The following EPS15 variants were observed in gnomAD, a reference collection of about 807,000 sequenced individuals.
EPS15 encodes the protein epidermal growth factor receptor substrate 15.
A neutral mutation model predicts 113.8 loss-of-function variants in EPS15; 72 were observed. That is an observed-to-expected ratio of 0.63 (90% CI 0.52 to 0.77). The LOEUF (loss-of-function observed/expected upper bound fraction) is 0.77. Ranked by LOEUF, EPS15 falls within the 30% of genes least tolerant of loss-of-function variation. EPS15 has a pLI of 0.00. For missense variants in EPS15, 1,048 were observed against 1,045.8 expected, an observed-to-expected ratio of 1.00 and a Z score of -0.03; for synonymous variants, 344 against 363.4, an observed-to-expected ratio of 0.95 and a Z score of 0.61.
At chr1:51,377,706 T>A (rs1247101141) in intron 21 of EPS15, among the ~76,000 whole-genome samples, 1 of 152,160 alleles carries the variant, frequency 6.6e-6, no homozygotes, top group Non-Finnish European at 1.5e-5. Flanking sequence ...TGTCACATGC[T>A]AAAAGAAATC....
chr1:51,462,600 CCAT>C (rs966062606), intron 7 of EPS15, among the ~76,000 whole-genome samples: 13 of 152,036 alleles, frequency 8.6e-5, no homozygotes, highest in African/African-American at 3.1e-4. Context: ...CATGTTTTTT[CCAT>C]CAGGCAGGAG....
At position 51,415,988 on chromosome 1, in the gene EPS15, A is replaced by G. The variant is rs142187051; in HGVS notation, c.1113+5798T>C. 6.1e-3 allele frequency among the ~76,000 whole-genome samples: 921 copies of G among 152,158 alleles called. 12 individuals are homozygous for G. The highest frequency in any genetic ancestry group is 0.021 in the African/African-American group (882 of 41,510). On this transcript the variant is annotated intron_variant, in intron 13 of 24. Coordinates refer to ENST00000371733, the MANE Select transcript of EPS15 (RefSeq NM_001981.3). Reference sequence around the variant, plus strand: ...TGTAAGGCTACCACCATCACAATGCAATTTCAATATCAATATCAGCATCTA... The same window carrying G: ...TGTAAGGCTACCACCATCACAATGCGATTTCAATATCAATATCAGCATCTA...
intron 1 of EPS15, among the ~76,000 whole-genome samples, chr1:51,486,080 G>A (rs1010251102): frequency 6.6e-6 from 1 of 151,992 alleles, no homozygotes; most frequent in African/African-American, 2.4e-5. Context: ...TTACAGGTGT[G>A]AGCCACCATG....
chr1:51,490,130 T>C (rs564709534), intron 1 of EPS15, among the ~76,000 whole-genome samples: 32 of 152,328 alleles, frequency 2.1e-4, no homozygotes, highest in Admixed American at 1.7e-3. Context: ...AATTGTCTCA[T>C]ATGGAATTTC....
chr1:51,379,569 T>C lies in EPS15; in HGVS notation c.2120-13540A>G, dbSNP rs540967868. On this transcript the variant is annotated intron_variant, in intron 21 of 24. Transcript: ENST00000371733. ...CACAAACAAGAGAGAAATTAAGATA[T>C]TCCCAGATAAACAAAAACTGAATGG... Among the ~76,000 whole-genome samples the C allele has an allele frequency of 1.1e-3, 160 of 152,314 alleles. 1 individual carries two copies. Among genetic ancestry groups the C allele is most frequent in the African/African-American group, 3.7e-3 (155 of 41,580 alleles).
chr1:51,415,243 AT>A (rs1409883779), intron 13 of EPS15, among the ~76,000 whole-genome samples: 1 of 152,196 alleles, frequency 6.6e-6, no homozygotes, highest in Non-Finnish European at 1.5e-5. Context: ...AAACAAACCA[AT>A]ATAATATTTA....
At position 51,440,328 on chromosome 1, in the gene EPS15, G is replaced by A. The variant is rs188467297; in HGVS notation, c.1040+19C>T. ...GTGTGTGTGTGTATGTGAGTAGGCT[G>A]TAATTTTGCTTTACATACCTCTGTA... On this transcript the variant is annotated intron_variant, in intron 12 of 24. Transcript: ENST00000371733. 25 of 1,075,276 alleles carry A rather than the reference G, an allele frequency of 2.3e-5. No individual in the cohort carries two copies. Among genetic ancestry groups the A allele is most frequent in the South Asian group, 1.8e-4 (13 of 73,276 alleles). 66.6% of individuals were successfully genotyped at this position (1,075,276 alleles called of 1,614,324 possible).
chr1:51,485,455 T>A (rs112434268), intron 1 of EPS15, among the ~76,000 whole-genome samples: 2,820 of 152,232 alleles, frequency 0.019, 88 homozygotes, highest in African/African-American at 0.065. Flanking sequence ...GAGCTGGGCA[T>A]GATGGCGCAC....
chr1:51,446,287 A>G (rs1653041945), intron 10 of EPS15, among the ~76,000 whole-genome samples: 1 of 152,210 alleles, frequency 6.6e-6, no homozygotes, highest in African/African-American at 2.4e-5. Context: ...AAGGTATGAA[A>G]GTATACATAT....
intron 21 of EPS15, among the ~76,000 whole-genome samples, chr1:51,380,693 C>T (rs951320608): frequency 6.6e-6 from 1 of 152,062 alleles, no homozygotes; most frequent in African/African-American, 2.4e-5. Context: ...AAGTCCTTCC[C>T]TATCAGTAAT....
At chr1:51,443,360 A>G (rs1652747769) in intron 11 of EPS15, among the ~76,000 whole-genome samples, 1 of 152,136 alleles carries the variant, frequency 6.6e-6, no homozygotes, top group African/African-American at 2.4e-5. Flanking sequence ...ACAGTATTCC[A>G]TAACTGAGGT....
intron 12 of EPS15, among the ~76,000 whole-genome samples, chr1:51,431,012 ACACACACAC>A (rs1557462507): frequency 1.7e-4 from 24 of 138,426 alleles, no homozygotes; most frequent in African/African-American, 6.3e-4. Flanking sequence ...ACACACACAC[ACACACACAC>A]ACACACAAAA....
chr1:51,423,254 A>G (rs1264479942), intron 12 of EPS15: 1 of 1,288,872 alleles, frequency 7.8e-7, no homozygotes, highest in Admixed American at 2.3e-5. Flanking sequence ...TGTGATTTTA[A>G]ACAGTCCCTT....
At chr1:51,417,346 T>C (rs1239264176) in intron 13 of EPS15, among the ~76,000 whole-genome samples, 1 of 152,212 alleles carries the variant, frequency 6.6e-6, no homozygotes, top group East Asian at 1.9e-4. Flanking sequence ...CTCTCAATCT[T>C]TTCTACCTAT....
In EPS15 at chr1:51,519,245, T is replaced by G; in HGVS notation, c.-14A>C. On this transcript the variant is annotated 5_prime_UTR_variant, in exon 1 of 25. It removes an upstream start codon present in the reference 5' UTR. Transcript: ENST00000371733. The stretch of plus-strand genomic sequence containing the variant: ...CGCCGCAGCCATGGTGTTTCCATCA[T>G]GCAAGGGAGGGGAAGGAAGACGGGC... 8.1e-7 allele frequency: 1 copy of G among 1,237,128 alleles called. No individual in the cohort carries two copies. Among genetic ancestry groups the G allele is most frequent in the Non-Finnish European group, 1.0e-6 (1 of 969,372 alleles). The allele number at this position is 1,237,128 out of a possible 1,614,324, so 76.6% of individuals were successfully genotyped here. A position where few individuals can be genotyped will look rare whatever the true frequency, so the allele number is the denominator to read the frequency against.
intron 1 of EPS15, 83 bp downstream of exon 1, chr1:51,519,116 A>G: frequency 4.1e-6 from 4 of 983,104 alleles, no homozygotes; most frequent in Non-Finnish European, 5.7e-6. Flanking sequence ...CTTGGCCCAC[A>G]AGCCAAGAAG....
intron 8 of EPS15, chr1:51,458,594 G>A (rs772697864): frequency 1.1e-4 from 49 of 435,304 alleles, no homozygotes; most frequent in African/African-American, 2.1e-4. Context: ...AAAATTAGCC[G>A]GGGGTGGTGG....
chr1:51,394,922 A>G (rs2148406847), intron 20 of EPS15, among the ~76,000 whole-genome samples: 1 of 152,278 alleles, frequency 6.6e-6, no homozygotes, highest in African/African-American at 2.4e-5. Flanking sequence ...CAGTGGTGTG[A>G]TCACAGCTTA....
chr1:51,439,594 A>G (rs753227217), intron 12 of EPS15, among the ~76,000 whole-genome samples: 3 of 152,118 alleles, frequency 2.0e-5, no homozygotes, highest in Non-Finnish European at 2.9e-5. Context: ...GTATTACTAT[A>G]AAGTTTCCAG....
Sources: gnomAD v4.1 joint callset for allele counts (sites outside exome capture counted in the v4.1 genomes callset) on GRCh38, gnomAD v4.1.1 for gene constraint, MANE v1.5 for transcripts, NCBI Gene and HGNC (gene_info 2026-07-23, HGNC 2026-07-21) for gene names.